USP26: variants seen among roughly 807,000 people sequenced by gnomAD.
The protein encoded by USP26 is ubiquitin specific peptidase 26.
For synonymous variants in USP26, 236 were observed against 240.6 expected (o/e 0.98, Z 0.18); for missense variants, 649 against 642.3 (o/e 1.01, Z -0.11).
chrX:133,053,924 C>T (rs752141083), intron 5 of USP26, among the ~76,000 whole-genome samples: 2 of 111,642 alleles, frequency 1.8e-5, no homozygotes, highest in East Asian at 5.6e-4. Flanking sequence ...TTGGGCTAAG[C>T]CTTTTTACTC....
chrX:133,089,788 A>G (rs2148538409), intron 4 of USP26, among the ~76,000 whole-genome samples: 1 of 112,135 alleles, frequency 8.9e-6, no homozygotes, highest in South Asian at 3.7e-4. Flanking sequence ...TTTTGCAGAA[A>G]AGGAAAACTG....
chrX:133,040,029 C>G (rs1374235888), intron 5 of USP26, among the ~76,000 whole-genome samples: 1 of 110,606 alleles, frequency 9.0e-6, no homozygotes, highest in Admixed American at 9.7e-5. Flanking sequence ...CTTTTTTTTG[C>G]TTTCCATTTG....
chrX:133,076,767 G>A (rs1218450692), intron 5 of USP26, among the ~76,000 whole-genome samples: 2 of 111,847 alleles, frequency 1.8e-5, no homozygotes, highest in Non-Finnish European at 3.8e-5. Flanking sequence ...AGCCACATGA[G>A]TGATCTTGGA....
At chrX:133,092,128 A>T (rs2067609824) in intron 1 of USP26, among the ~76,000 whole-genome samples, 1 of 112,257 alleles carries the variant, frequency 8.9e-6, no homozygotes, top group Admixed American at 9.5e-5. Flanking sequence ...TAGGAACTGC[A>T]TTAATCTTGT....
intron 5 of USP26, among the ~76,000 whole-genome samples, chrX:133,040,724 T>C (rs1338762490): frequency 1.8e-5 from 2 of 111,579 alleles, no homozygotes; most frequent in Admixed American, 9.6e-5. Context: ...TTTCCTGAAT[T>C]TGAATGTTGG....
intron 5 of USP26, among the ~76,000 whole-genome samples, chrX:133,083,164 T>C (rs1057345288): frequency 8.9e-6 from 1 of 112,082 alleles, no homozygotes; most frequent in African/African-American, 3.2e-5. Flanking sequence ...AAACAAGTCA[T>C]TATCAACTCC....
At chrX:133,083,297 C>T (rs771444063) in intron 5 of USP26, among the ~76,000 whole-genome samples, 1 of 112,157 alleles carries the variant, frequency 8.9e-6, no homozygotes. Flanking sequence ...GACAGGTTTA[C>T]GTAATGGCCA....
chrX:133,094,320 G>A (rs1157496475), intron 1 of USP26, among the ~76,000 whole-genome samples: 1 of 110,778 alleles, frequency 9.0e-6, no homozygotes, highest in Non-Finnish European at 1.9e-5. Flanking sequence ...GCGAGCAGAA[G>A]ATCCAGAAGG....
rs748383125 is a variant in USP26, at chrX:133,069,731, C to T, written c.-77+13976G>A. Among the ~76,000 whole-genome samples, 3 of 111,381 alleles carry T rather than the reference C, an allele frequency of 2.7e-5. No homozygotes were observed. The South Asian group carries it at 1.1e-3, about 42-fold the overall frequency. ...TGTGAGGTCTAAATAAATATATTTT[C>T]AAAAAGTCAACAATTCAGAAACTGC... On this transcript the variant is annotated intron_variant, in intron 5 of 5. Coordinates refer to ENST00000511190, the MANE Select transcript of USP26 (RefSeq NM_031907.3).
chrX:133,088,680 G>T (rs998681716), intron 4 of USP26, among the ~76,000 whole-genome samples: 4 of 112,095 alleles, frequency 3.6e-5, no homozygotes, highest in African/African-American at 1.3e-4. Flanking sequence ...GGGCTTATCT[G>T]CCCAAACAGA....
intron 1 of USP26, among the ~76,000 whole-genome samples, chrX:133,093,043 G>C (rs750954337): frequency 1.5e-3 from 164 of 111,694 alleles, no homozygotes; most frequent in African/African-American, 5.1e-3. Context: ...AATGTCTTGA[G>C]CCCAGGAGTT....
intron 5 of USP26, among the ~76,000 whole-genome samples, chrX:133,059,802 C>T (rs1000748228): frequency 8.9e-6 from 1 of 111,769 alleles, no homozygotes; most frequent in Non-Finnish European, 1.9e-5. Flanking sequence ...GCTTGCTTAC[C>T]TTCCACTCTT....
chrX:133,058,958 C>T (rs974119584), intron 5 of USP26, among the ~76,000 whole-genome samples: 2 of 110,679 alleles, frequency 1.8e-5, no homozygotes, highest in African/African-American at 6.6e-5. Flanking sequence ...GGATTACAGG[C>T]GTCTGCCACC....
chrX:133,048,548 A>ATT (rs1323116294), intron 5 of USP26, among the ~76,000 whole-genome samples: 2,462 of 87,257 alleles, frequency 0.028, 61 homozygotes, highest in East Asian at 0.11. Context: ...GAACAGTTGC[A>ATT]TTTTTTTTTT....
intron 5 of USP26, among the ~76,000 whole-genome samples, chrX:133,050,124 T>G (rs1037421282): frequency 5.3e-5 from 6 of 112,330 alleles, no homozygotes; most frequent in Non-Finnish European, 5.6e-5. Context: ...CCCAAGGTTA[T>G]TTGCACACTT....
chrX:133,066,649 C>T (rs2148533690), intron 5 of USP26, among the ~76,000 whole-genome samples: 1 of 111,875 alleles, frequency 8.9e-6, no homozygotes, highest in Admixed American at 9.5e-5. Flanking sequence ...ATAAATGGTG[C>T]TGGGAAAACT....
At chrX:133,061,754 C>T (rs2067494745) in intron 5 of USP26, among the ~76,000 whole-genome samples, 1 of 111,619 alleles carries the variant, frequency 9.0e-6, no homozygotes, top group Admixed American at 9.5e-5. Context: ...TGCTATCCAG[C>T]CTAGACACTA....
At chrX:133,039,912 T>C (rs892237099) in intron 5 of USP26, among the ~76,000 whole-genome samples, 1 of 111,971 alleles carries the variant, frequency 8.9e-6, no homozygotes, top group African/African-American at 3.3e-5. Context: ...TAGTTAGTTC[T>C]TCTTGTTGCA....
chrX:133,094,145 A>C (rs374728891), intron 1 of USP26, among the ~76,000 whole-genome samples: 3 of 111,526 alleles, frequency 2.7e-5, no homozygotes, highest in South Asian at 3.8e-4. Flanking sequence ...GTTTTCCTTT[A>C]ATTTTAATTA....
Sources: allele counts gnomAD v4.1 joint callset (sites outside exome capture counted in the v4.1 genomes callset), GRCh38; gene constraint gnomAD v4.1.1; transcripts MANE v1.5; gene names NCBI Gene and HGNC (gene_info 2026-07-23, HGNC 2026-07-21).